PHACTR1: variants seen among roughly 807,000 people sequenced by gnomAD.
The protein encoded by PHACTR1 is phosphatase and actin regulator 1.
Under a neutral mutation model 69.2 loss-of-function variants are expected in PHACTR1, and 16 were observed. That is an observed-to-expected ratio of 0.23 (90% CI 0.16 to 0.35). PHACTR1 has a LOEUF of 0.35. PHACTR1 is among the 10% of genes least tolerant of loss of function. PHACTR1 has a pLI of 1.00. For synonymous variants in PHACTR1, 312 were observed against 284.5 expected (o/e 1.10, Z -0.97); for missense variants, 510 against 734.7 (o/e 0.69, Z 3.54).
At chr6:13,273,106 C>A in intron 11 of PHACTR1, 191 bp downstream of exon 11, 1 of 737,788 alleles carries the variant, frequency 1.4e-6, no homozygotes, top group East Asian at 2.8e-5. Context: ...AATTTTATTC[C>A]ACTTTATTCT....
rs925017422 is a variant in PHACTR1, at chr6:13,283,738, G to C, written c.1650+176G>C. 5.5e-6 allele frequency: 5 copies of C among 904,652 alleles called. No homozygotes were observed. Among genetic ancestry groups the C allele is most frequent in the African/African-American group, 1.7e-5 (1 of 60,068 alleles). The allele number at this position is 904,652 out of a possible 1,614,324, so 56.0% of individuals were successfully genotyped here. A position where few individuals can be genotyped will look rare whatever the true frequency, so the allele number is the denominator to read the frequency against. On this transcript the variant is annotated intron_variant, in intron 13 of 14. Coordinates refer to ENST00000332995, the MANE Select transcript of PHACTR1 (RefSeq NM_030948.6). This position sits in a 1 kb window ranked among gnomAD's most constrained non-coding sequence, Gnocchi z 4.7. ...GGGGCCACAGATAATCTGCGGAAAG[G>C]CTGCTGAATCGGAGAAAACACAAGG...
At chr6:12,954,134 G>A (rs113376058) in intron 4 of PHACTR1, among the ~76,000 whole-genome samples, 4 of 152,024 alleles carry the variant, frequency 2.6e-5, no homozygotes, top group Non-Finnish European at 4.4e-5. Context: ...CCAGGCAGAC[G>A]AAACAGACTT....
chr6:12,825,063 G>A (rs1364032423), intron 4 of PHACTR1, among the ~76,000 whole-genome samples: 2 of 152,180 alleles, frequency 1.3e-5, no homozygotes, highest in African/African-American at 4.8e-5. Context: ...AGGATAACTT[G>A]AGGTCAGAAG....
In PHACTR1 at chr6:12,964,307, T is replaced by C. The variant is rs139768342; in HGVS notation, c.251-89058T>C. On this transcript the variant is annotated intron_variant, in intron 4 of 14. Coordinates refer to ENST00000332995, the MANE Select transcript of PHACTR1 (RefSeq NM_030948.6). Reference sequence around the variant, plus strand: ...TTAACAAAATATAGAAAATGACAGCTTCCATGAGAACAGAAAAAAAAGATT... The same window carrying C: ...TTAACAAAATATAGAAAATGACAGCCTCCATGAGAACAGAAAAAAAAGATT... Among the ~76,000 whole-genome samples the C allele has an allele frequency of 3.8e-4, 58 of 152,264 alleles. 1 individual carries two copies. The East Asian group carries it at 0.01, about 27-fold the overall frequency.
intron 4 of PHACTR1, among the ~76,000 whole-genome samples, chr6:12,898,621 T>C (rs1011123017): frequency 1.3e-5 from 2 of 152,242 alleles, no homozygotes; most frequent in Non-Finnish European, 2.9e-5. Flanking sequence ...GCTACTGACA[T>C]TGACTCGCAC....
At chr6:13,199,419 C>T (rs1460917377) in intron 7 of PHACTR1, among the ~76,000 whole-genome samples, 1 of 143,948 alleles carries the variant, frequency 6.9e-6, no homozygotes, top group Non-Finnish European at 1.5e-5. Context: ...AAAACATTGG[C>T]ATCTTGAAAA....
chr6:12,924,380 T>A (rs918026610), intron 4 of PHACTR1, among the ~76,000 whole-genome samples: 2 of 152,200 alleles, frequency 1.3e-5, no homozygotes, highest in African/African-American at 4.8e-5. Context: ...CAAGCAACCA[T>A]CCCAAACTGG....
chr6:13,120,400 G>A (rs534294515), intron 5 of PHACTR1, among the ~76,000 whole-genome samples: 45 of 152,230 alleles, frequency 3.0e-4, no homozygotes, highest in Non-Finnish European at 5.7e-4. Flanking sequence ...GGACTTCTTG[G>A]CATGGAGAGT....
At position 12,977,584 on chromosome 6, in the gene PHACTR1, A is replaced by G. The variant is rs371978153; in HGVS notation, c.251-75781A>G. 7.2e-5 allele frequency among the ~76,000 whole-genome samples: 11 copies of G among 152,332 alleles called. No homozygotes were observed. In the East Asian group the frequency reaches 2.1e-3, roughly 29 times the overall value. On this transcript the variant is annotated intron_variant, in intron 4 of 14. Coordinates refer to ENST00000332995, the MANE Select transcript of PHACTR1 (RefSeq NM_030948.6). ...AATCCTCCATTCAAACAAGGTCTGC[A>G]AGGATTTGTGTGAATCATTTGATTA...
At chr6:12,790,284 G>T (rs1032762990) in intron 4 of PHACTR1, among the ~76,000 whole-genome samples, 1 of 151,972 alleles carries the variant, frequency 6.6e-6, no homozygotes, top group Non-Finnish European at 1.5e-5. Context: ...CCCTAGAATT[G>T]CCCTGCTCAC....
chr6:12,838,453 G>C (rs1561932254), intron 4 of PHACTR1, among the ~76,000 whole-genome samples: 1 of 152,068 alleles, frequency 6.6e-6, no homozygotes, highest in Non-Finnish European at 1.5e-5. Flanking sequence ...GCAAAATCTT[G>C]TCTATTCAGT....
chr6:13,018,634 A>C (rs1800519612), intron 4 of PHACTR1, among the ~76,000 whole-genome samples: 1 of 152,096 alleles, frequency 6.6e-6, no homozygotes, highest in Non-Finnish European at 1.5e-5. Context: ...GAGAGCACCC[A>C]CTTCTTCTCT....
At chr6:12,938,837 C>T (rs1201474440) in intron 4 of PHACTR1, among the ~76,000 whole-genome samples, 4 of 151,818 alleles carry the variant, frequency 2.6e-5, no homozygotes, top group Non-Finnish European at 5.9e-5. Context: ...TGGCTTCTTT[C>T]ACTTGGCCTA....
intron 4 of PHACTR1, among the ~76,000 whole-genome samples, chr6:12,766,284 A>G (rs1157674578): frequency 2.0e-5 from 3 of 152,232 alleles, no homozygotes; most frequent in African/African-American, 7.2e-5. Context: ...CTTACAATTA[A>G]TTCATAGAAG....
At chr6:13,073,849 G>A (rs989395112) in intron 5 of PHACTR1, among the ~76,000 whole-genome samples, 2 of 151,590 alleles carry the variant, frequency 1.3e-5, no homozygotes, top group African/African-American at 4.8e-5. Flanking sequence ...AAGCAGGGAA[G>A]TAGTAGAGTT....
intron 4 of PHACTR1, among the ~76,000 whole-genome samples, chr6:12,830,129 G>GAAAGAAAGAAAGAAAGA (rs57474803): frequency 0.044 from 6,055 of 136,628 alleles, 290 homozygotes; most frequent in Non-Finnish European, 0.054. Flanking sequence ...AAGAAAGAAA[G>GAAAGAAAGAAAGAAAGA]AAAGAAAGAA....
At chr6:13,165,488 A>G (rs1759663882) in intron 6 of PHACTR1, among the ~76,000 whole-genome samples, 2 of 152,362 alleles carry the variant, frequency 1.3e-5, no homozygotes, top group African/African-American at 4.8e-5. Flanking sequence ...ATGGAGCTAC[A>G]GTGATAACCA....
At chr6:13,154,866 C>CA (rs1460884408) in intron 5 of PHACTR1, among the ~76,000 whole-genome samples, 1 of 152,000 alleles carries the variant, frequency 6.6e-6, no homozygotes, top group African/African-American at 2.4e-5. Flanking sequence ...GTTTGTTCTA[C>CA]CCAAAGCCAA....
At chr6:13,133,233 CTCCCTCTCCCTTT>C (rs1561876394) in intron 5 of PHACTR1, among the ~76,000 whole-genome samples, 1 of 60,876 alleles carries the variant, frequency 1.6e-5, no homozygotes, top group Non-Finnish European at 3.3e-5. Flanking sequence ...CCCTCCCCCT[CTCCCTCTCCCTTT>C]CCCTCTCCCT....
Sources: allele counts gnomAD v4.1 joint callset (sites outside exome capture counted in the v4.1 genomes callset), GRCh38; gene constraint gnomAD v4.1.1; non-coding constraint Gnocchi (gnomAD v3.1); transcripts MANE v1.5; gene names NCBI Gene and HGNC (gene_info 2026-07-23, HGNC 2026-07-21).